Variants in LRFN5 observed in about 807,000 individuals in gnomAD.
LRFN5 encodes leucine rich repeat and fibronectin type III domain containing 5, also known as leucine-rich repeat and fibronectin type-III domain-containing protein 5.
In LRFN5, 24 loss-of-function variants were observed where a neutral mutation model predicts 45.6. That is an observed-to-expected ratio of 0.53 (90% CI 0.38 to 0.74). The LOEUF is 0.74. LRFN5 is among the 30% of genes least tolerant of loss of function. LRFN5 has a pLI of 0.00. For missense variants in LRFN5, 776 were observed against 861.5 expected (o/e 0.90, Z 1.24); for synonymous variants, 340 against 313.8 (o/e 1.08, Z -0.88).
rs1410518198 is a variant in LRFN5, at chr14:41,886,984, G to A, written c.359G>A (p.Ser120Asn). ...ACTAAAATTACAAATGATATGTTCAGTGGTCTTTCCAATCTTCATCATTTG... is the reference window on the plus strand; with the variant it reads ...ACTAAAATTACAAATGATATGTTCAATGGTCTTTCCAATCTTCATCATTTG... The part of the protein sequence containing the change: ...RLTKITNDMF[S>N]GLSNLHHLIL... The change falls in exon 3 of 6, where the codon AGT (serine) becomes AAT (asparagine). Residue 120 changes from serine (S) to asparagine (N), a missense_variant. Coordinates refer to ENST00000298119, the MANE Select transcript of LRFN5 (RefSeq NM_152447.5). 2 of 1,614,170 alleles carry A rather than the reference G, an allele frequency of 1.2e-6. No individual in the cohort carries two copies. Among genetic ancestry groups the A allele is most frequent in the Admixed American group, 3.3e-5 (2 of 60,012 alleles).
intron 2 of LRFN5, among the ~76,000 whole-genome samples, chr14:41,877,892 A>C (rs1290722981): frequency 1.3e-5 from 2 of 152,082 alleles, no homozygotes; most frequent in East Asian, 3.9e-4. Flanking sequence ...AGGATAAATA[A>C]ATTGATGCAT....
At chr14:41,796,058 GTTAC>G (rs959463457) in intron 2 of LRFN5, among the ~76,000 whole-genome samples, 3 of 151,668 alleles carry the variant, frequency 2.0e-5, no homozygotes, top group Non-Finnish European at 2.9e-5. Flanking sequence ...TAATTTAGTA[GTTAC>G]TTTCTAAAAA....
At chr14:41,806,164 C>A (rs1887518964) in intron 2 of LRFN5, among the ~76,000 whole-genome samples, 1 of 152,148 alleles carries the variant, frequency 6.6e-6, no homozygotes, top group Non-Finnish European at 1.5e-5. Context: ...GTTCAGGAGT[C>A]TGAGAAATAA....
chr14:41,672,303 CCT>C (rs140107449), intron 1 of LRFN5, among the ~76,000 whole-genome samples: 2,390 of 152,224 alleles, frequency 0.016, 27 homozygotes, highest in Non-Finnish European at 0.025. Flanking sequence ...CCGATAGGTT[CCT>C]TTGTGTCTCG....
intron 1 of LRFN5, among the ~76,000 whole-genome samples, chr14:41,746,677 A>G (rs755462645): frequency 6.6e-6 from 1 of 152,006 alleles, no homozygotes; most frequent in Non-Finnish European, 1.5e-5. Flanking sequence ...AAAAGCAAAA[A>G]TACATTAGGC....
chr14:41,839,186 A>G (rs1342410050), intron 2 of LRFN5, among the ~76,000 whole-genome samples: 2 of 152,154 alleles, frequency 1.3e-5, no homozygotes, highest in African/African-American at 2.4e-5. Context: ...TCTATTAATT[A>G]CAGCTATCTC....
At chr14:41,660,971 C>T (rs528070634) in intron 1 of LRFN5, among the ~76,000 whole-genome samples, 18 of 150,846 alleles carry the variant, frequency 1.2e-4, no homozygotes, top group African/African-American at 3.2e-4. Context: ...GGGTTTATTG[C>T]GCTTATATAT....
At chr14:41,637,909 T>C (rs1001468740) in intron 1 of LRFN5, among the ~76,000 whole-genome samples, 1 of 152,136 alleles carries the variant, frequency 6.6e-6, no homozygotes, top group Non-Finnish European at 1.5e-5. Context: ...TGCAGGTACC[T>C]AGATAGCTTT....
chr14:41,870,520 A>G (rs963172057), intron 2 of LRFN5, among the ~76,000 whole-genome samples: 2 of 152,116 alleles, frequency 1.3e-5, no homozygotes, highest in Non-Finnish European at 2.9e-5. Flanking sequence ...TGTGCAGGGG[A>G]ACTCCCCTTT....
At chr14:41,654,979 A>C (rs1179761724) in intron 1 of LRFN5, among the ~76,000 whole-genome samples, 1 of 152,020 alleles carries the variant, frequency 6.6e-6, no homozygotes, top group African/African-American at 2.4e-5. Context: ...GATTCACATA[A>C]GTTATTCTGT....
intron 2 of LRFN5, among the ~76,000 whole-genome samples, chr14:41,806,322 A>C (rs1262662454): frequency 4.6e-5 from 7 of 152,214 alleles, no homozygotes; most frequent in Non-Finnish European, 8.8e-5. Context: ...CATATGAGCT[A>C]TCTGTCCAGC....
At chr14:41,813,554 A>G (rs1368247702) in intron 2 of LRFN5, among the ~76,000 whole-genome samples, 39 of 152,204 alleles carry the variant, frequency 2.6e-4, no homozygotes, top group Non-Finnish European at 1.5e-5. Context: ...ATAGTATTCC[A>G]TGGTGTATAT....
intron 1 of LRFN5, among the ~76,000 whole-genome samples, chr14:41,709,412 A>G (rs557773141): frequency 5.7e-4 from 86 of 152,160 alleles, no homozygotes; most frequent in African/African-American, 2.0e-3. Flanking sequence ...ATTTTTGAGG[A>G]CTAGAACTTG....
At chr14:41,742,031 G>C (rs573846816) in intron 1 of LRFN5, among the ~76,000 whole-genome samples, 3 of 151,750 alleles carry the variant, frequency 2.0e-5, no homozygotes, top group Admixed American at 1.3e-4. Flanking sequence ...GATAACAAGT[G>C]TTGGCAAGAA....
chr14:41,802,717 G>C (rs997898439), intron 2 of LRFN5, among the ~76,000 whole-genome samples: 2 of 152,076 alleles, frequency 1.3e-5, no homozygotes, highest in Non-Finnish European at 2.9e-5. Context: ...TCATAGTAAA[G>C]ATGACATTCA....
intron 1 of LRFN5, among the ~76,000 whole-genome samples, chr14:41,632,177 G>C (rs1357318921): frequency 6.6e-6 from 1 of 152,066 alleles, no homozygotes; most frequent in Non-Finnish European, 1.5e-5. Context: ...AAAAAACGTA[G>C]CATTTCGGGG....
intron 1 of LRFN5, among the ~76,000 whole-genome samples, chr14:41,632,430 C>A (rs75136812): frequency 0.04 from 6,044 of 152,070 alleles, 369 homozygotes; most frequent in East Asian, 0.27. Flanking sequence ...ATGGTGAAAC[C>A]CCATCTCTAT....
At chr14:41,690,917 G>C (rs1882352723) in intron 1 of LRFN5, among the ~76,000 whole-genome samples, 2 of 151,750 alleles carry the variant, frequency 1.3e-5, no homozygotes, top group African/African-American at 4.8e-5. Flanking sequence ...GTGAACTCTT[G>C]TTTATATTTT....
intron 2 of LRFN5, among the ~76,000 whole-genome samples, chr14:41,805,884 A>T (rs1887509351): frequency 6.6e-6 from 1 of 152,032 alleles, no homozygotes; most frequent in Non-Finnish European, 1.5e-5. Flanking sequence ...TCATCATATC[A>T]TGAATCATTA....
Sources: gnomAD v4.1 joint callset for allele counts (sites outside exome capture counted in the v4.1 genomes callset) on GRCh38, gnomAD v4.1.1 for gene constraint, MANE v1.5 for transcripts, NCBI Gene and HGNC (gene_info 2026-07-23, HGNC 2026-07-21) for gene names.